MAGI2: variants seen among roughly 807,000 people sequenced by gnomAD.
MAGI2 encodes the protein membrane associated guanylate kinase, WW and PDZ domain containing 2, also known as membrane-associated guanylate kinase, WW and PDZ domain-containing protein 2.
Under a neutral mutation model 133.3 loss-of-function variants are expected in MAGI2, and 35 were observed. That is an observed-to-expected ratio of 0.26 (90% confidence interval 0.20 to 0.35). The LOEUF is 0.35. Ranked by LOEUF, MAGI2 falls within the 10% of genes least tolerant of loss-of-function variation. The probability of loss-of-function intolerance (pLI) is 1.00; values close to 1 mark genes in which losing one functional copy is unlikely to be tolerated. For synonymous variants in MAGI2, 729 were observed against 710.6 expected, an observed-to-expected ratio of 1.03 and a Z score of -0.41; for missense variants, 1,636 against 1,863.4, an observed-to-expected ratio of 0.88 and a Z score of 2.25.
At chr7:78,499,489 G>A (rs747927791) in intron 5 of MAGI2, among the ~76,000 whole-genome samples, 8 of 152,232 alleles carry the variant, frequency 5.3e-5, no homozygotes, top group East Asian at 3.9e-4. Flanking sequence ...GCTGACTGAC[G>A]AGTCATAGAA....
At chr7:78,590,136 G>T (rs1803847297) in intron 3 of MAGI2, among the ~76,000 whole-genome samples, 1 of 152,190 alleles carries the variant, frequency 6.6e-6, no homozygotes. Flanking sequence ...GAGTAGTTTT[G>T]CAGGAAGACT....
intron 6 of MAGI2, among the ~76,000 whole-genome samples, chr7:78,419,630 G>A (rs1798620725): frequency 6.7e-6 from 1 of 148,768 alleles, no homozygotes; most frequent in South Asian, 2.1e-4. Flanking sequence ...TTAAGGGAAA[G>A]GGCCCAAGAG....
At chr7:79,351,158 C>T (rs1049428705) in intron 1 of MAGI2, among the ~76,000 whole-genome samples, 1 of 152,028 alleles carries the variant, frequency 6.6e-6, no homozygotes, top group Admixed American at 6.6e-5. Context: ...TGTTAGAATG[C>T]ATGCTTAACG....
At chr7:78,641,101 T>G (rs1183578520) in intron 2 of MAGI2, among the ~76,000 whole-genome samples, 1 of 152,194 alleles carries the variant, frequency 6.6e-6, no homozygotes, top group African/African-American at 2.4e-5. Flanking sequence ...AGGACATGTT[T>G]GCTTCCCCTT....
chr7:78,143,926 T>C (rs2150564269), intron 16 of MAGI2, among the ~76,000 whole-genome samples: 1 of 148,668 alleles, frequency 6.7e-6, no homozygotes, highest in African/African-American at 2.4e-5. Flanking sequence ...TCCTATAAGT[T>C]TTTTTTTTTT....
intron 2 of MAGI2, among the ~76,000 whole-genome samples, chr7:78,650,810 C>A (rs1811481243): frequency 6.6e-6 from 1 of 152,116 alleles, no homozygotes; most frequent in African/African-American, 2.4e-5. Flanking sequence ...TTAAGTGCTA[C>A]TCGGCTGTAA....
At chr7:78,147,882 A>G (rs773492448) in intron 16 of MAGI2, among the ~76,000 whole-genome samples, 2 of 151,990 alleles carry the variant, frequency 1.3e-5, no homozygotes, top group Non-Finnish European at 2.9e-5. Context: ...CTATGCACCT[A>G]TTGGAATGGC....
At chr7:79,028,235 G>GTATATATATATA (rs1174096501) in intron 1 of MAGI2, among the ~76,000 whole-genome samples, 25 of 29,276 alleles carry the variant, frequency 8.5e-4, no homozygotes, top group Middle Eastern at 0.02. Context: ...ATATATGTAT[G>GTATATATATATA]TATATATATA....
intron 21 of MAGI2, among the ~76,000 whole-genome samples, chr7:78,055,673 G>T (rs1004621164): frequency 2.0e-5 from 3 of 152,002 alleles, no homozygotes; most frequent in African/African-American, 7.3e-5. Context: ...AATCAATCAG[G>T]GGCAGGACCC....
At chr7:78,752,738 C>G (rs1446337227) in intron 2 of MAGI2, among the ~76,000 whole-genome samples, 1 of 152,188 alleles carries the variant, frequency 6.6e-6, no homozygotes, top group Non-Finnish European at 1.5e-5. Context: ...CAAGGCCCAC[C>G]TGTTAATGCC....
intron 6 of MAGI2, among the ~76,000 whole-genome samples, chr7:78,468,742 C>T (rs1255336884): frequency 3.3e-5 from 5 of 152,092 alleles, no homozygotes; most frequent in South Asian, 2.1e-4. Flanking sequence ...AAGCAAAGGA[C>T]GCCTCTGATA....
In MAGI2 at chr7:78,847,437, G is replaced by C. The variant is rs115866016; in HGVS notation, c.418+159653C>G. On this transcript the variant is annotated intron_variant, in intron 2 of 21. Coordinates refer to ENST00000354212, the MANE Select transcript of MAGI2 (RefSeq NM_012301.4). ...TAATAAAGGGTTATTTTATAGGGCA[G>C]ACCTTAATTCATACATGTGTCAAAA... 2.4e-3 allele frequency among the ~76,000 whole-genome samples: 359 copies of C among 152,070 alleles called. 3 individuals carry two copies. Among genetic ancestry groups the C allele is most frequent in the African/African-American group, 8.2e-3 (341 of 41,536 alleles).
intron 9 of MAGI2, among the ~76,000 whole-genome samples, chr7:78,303,378 CAAAAAAA>C (rs11377993): frequency 6.0e-5 from 2 of 33,348 alleles, no homozygotes; most frequent in Non-Finnish European, 1.0e-4. Context: ...AAACTGTCTC[CAAAAAAA>C]AAAAAAAAAA....
chr7:79,332,258 A>G (rs367750121), intron 1 of MAGI2, among the ~76,000 whole-genome samples: 235 of 152,296 alleles, frequency 1.5e-3, no homozygotes, highest in African/African-American at 5.4e-3. Context: ...ATTCCTGTTA[A>G]TGTGGTCTTC....
rs540501693 is a variant in MAGI2 at position 79,411,775 on chromosome 7, G to A, written c.301+41245C>T. 2.6e-5 allele frequency: 4 copies of A among 152,112 alleles called. No individual in the cohort carries two copies. In the South Asian group the frequency reaches 8.3e-4, roughly 32 times the overall value. The allele number at this position is 152,112 out of a possible 1,614,324, so 9.4% of individuals were successfully genotyped here. Reference sequence around the variant, plus strand: ...TAAAGGGAACAATAGAATCGTGATTGAAGTCTTTTATTCCCATAACCATTT... The same window carrying A: ...TAAAGGGAACAATAGAATCGTGATTAAAGTCTTTTATTCCCATAACCATTT... On this transcript the variant is annotated intron_variant, in intron 1 of 21. Transcript: ENST00000354212.
intron 9 of MAGI2, among the ~76,000 whole-genome samples, chr7:78,311,864 G>A (rs907542911): frequency 2.0e-5 from 3 of 151,336 alleles, no homozygotes; most frequent in Admixed American, 1.3e-4. Flanking sequence ...TCTGCCTCCC[G>A]GATTGAAGTG....
At chr7:78,346,861 T>C (rs1790964609) in intron 7 of MAGI2, among the ~76,000 whole-genome samples, 1 of 152,122 alleles carries the variant, frequency 6.6e-6, no homozygotes, top group African/African-American at 2.4e-5. Context: ...GGCATATACA[T>C]TGATACATAG....
intron 6 of MAGI2, among the ~76,000 whole-genome samples, chr7:78,449,606 T>C (rs376582229): frequency 2.0e-5 from 3 of 152,142 alleles, no homozygotes; most frequent in Admixed American, 6.6e-5. Context: ...AAATACTGAT[T>C]TTGTATAGAA....
intron 1 of MAGI2, among the ~76,000 whole-genome samples, chr7:79,095,412 GCTAA>G (rs1310734649): frequency 6.6e-6 from 1 of 152,160 alleles, no homozygotes; most frequent in Admixed American, 6.5e-5. Context: ...CCACAACTTG[GCTAA>G]CTGTTTGATG....
Sources: gnomAD v4.1 joint callset for allele counts (sites outside exome capture counted in the v4.1 genomes callset) on GRCh38, gnomAD v4.1.1 for gene constraint, MANE v1.5 for transcripts, NCBI Gene and HGNC (gene_info 2026-07-23, HGNC 2026-07-21) for gene names.